The following SNAP29 variants were observed in gnomAD, a reference collection of about 807,000 sequenced individuals.
SNAP29 encodes synaptosomal-associated protein 29.
SNAP29 carries 13 observed loss-of-function variants against 27.9 expected under a neutral mutation model. That is an observed-to-expected ratio of 0.47 (90% CI 0.30 to 0.74). The LOEUF (loss-of-function observed/expected upper bound fraction) is 0.74. SNAP29 is among the 30% of genes least tolerant of loss of function. The pLI is 0.06. For missense variants in SNAP29, 368 were observed against 336.5 expected (o/e 1.09, Z -0.73); for synonymous variants, 119 against 127.1 (o/e 0.94, Z 0.43).
In SNAP29 at chr22:20,859,074, TC is replaced by T. The variant is rs772531791; in HGVS notation, c.-35del. ...TGGACGGCGGCGGCAGTGGGGCTCC[TC>T]CTTCTGTTTCCCAGACCGAGAGCCG... is the stretch of plus-strand genomic sequence containing the variant. On this transcript the variant is annotated 5_prime_UTR_variant, in exon 1 of 5. Transcript: ENST00000215730. 1.0e-5 allele frequency: 16 copies of T among 1,529,466 alleles called. No homozygotes were observed. Among genetic ancestry groups the T allele is most frequent in the Non-Finnish European group, 1.3e-5 (15 of 1,112,698 alleles). The allele number at this position is 1,529,466 out of a possible 1,614,324, so 94.7% of individuals were successfully genotyped here.
chr22:20,886,692 ACCT>A, intron 4 of SNAP29, among the ~76,000 whole-genome samples: 1 of 140,846 alleles, frequency 7.1e-6, no homozygotes, highest in African/African-American at 2.7e-5. Context: ...GCTTACTGCA[ACCT>A]CCTCCTCTCA....
chr22:20,885,190 A>G (rs971973368), intron 4 of SNAP29, among the ~76,000 whole-genome samples: 1 of 151,994 alleles, frequency 6.6e-6, no homozygotes, highest in Non-Finnish European at 1.5e-5. Flanking sequence ...GCCTCCTCCT[A>G]CCGCTACTCC....
At chr22:20,883,441 C>T (rs764895720) in intron 3 of SNAP29, 30 bp from the exon 4 acceptor site, 20 of 1,369,898 alleles carry the variant, frequency 1.5e-5, no homozygotes, top group African/African-American at 5.7e-5. Context: ...GTCAATTAAC[C>T]GCTCTCCTGG....
chr22:20,861,398 A>G (rs1325440150), intron 1 of SNAP29, among the ~76,000 whole-genome samples: 1 of 150,092 alleles, frequency 6.7e-6, no homozygotes, highest in East Asian at 2.0e-4. Flanking sequence ...GGCGTGAGCC[A>G]CTGCACCTAG....
At chr22:20,863,076 A>G (rs1928366704) in intron 1 of SNAP29, among the ~76,000 whole-genome samples, 3 of 152,138 alleles carry the variant, frequency 2.0e-5, no homozygotes, top group African/African-American at 7.2e-5. Context: ...TTTGGTGGAG[A>G]TGGGCTTTCG....
At chr22:20,878,148 G>T (rs11704057) in intron 2 of SNAP29, among the ~76,000 whole-genome samples, 214 of 152,338 alleles carry the variant, frequency 1.4e-3, no homozygotes, top group Non-Finnish European at 2.4e-3. Flanking sequence ...GTGCTTGCCA[G>T]TATTGCTTTA....
At chr22:20,874,089 C>CA (rs1928663620) in intron 2 of SNAP29, among the ~76,000 whole-genome samples, 1 of 148,180 alleles carries the variant, frequency 6.7e-6, no homozygotes, top group African/African-American at 2.5e-5. Context: ...TCCTGGCTAA[C>CA]ACGGTGAAAC....
At chr22:20,862,690 G>A (rs922962210) in intron 1 of SNAP29, among the ~76,000 whole-genome samples, 2 of 152,192 alleles carry the variant, frequency 1.3e-5, no homozygotes, top group African/African-American at 4.8e-5. Flanking sequence ...ATCAGGCTTG[G>A]CCAGGCCAGG....
chr22:20,873,378 G>A (rs1928643420), intron 2 of SNAP29, among the ~76,000 whole-genome samples: 1 of 151,858 alleles, frequency 6.6e-6, no homozygotes, highest in Non-Finnish European at 1.5e-5. Context: ...TGGAGAGCCA[G>A]TGACTGTGAA....
intron 2 of SNAP29, among the ~76,000 whole-genome samples, chr22:20,871,948 A>C (rs1352294483): frequency 6.6e-6 from 1 of 152,114 alleles, no homozygotes; most frequent in Non-Finnish European, 1.5e-5. Context: ...AAAGGAATGG[A>C]GTTTCTGCTG....
chr22:20,876,129 C>T (rs1219168422), intron 2 of SNAP29, among the ~76,000 whole-genome samples: 1 of 151,218 alleles, frequency 6.6e-6, no homozygotes. Context: ...CCACTGCAGT[C>T]CAGCCTGGGC....
At chr22:20,859,666 T>C in intron 1 of SNAP29, 1 of 419,006 alleles carries the variant, frequency 2.4e-6, no homozygotes, top group East Asian at 4.8e-5. Context: ...GAACAGCAGG[T>C]CCTAGGTTTG....
intron 2 of SNAP29, among the ~76,000 whole-genome samples, chr22:20,876,050 G>A (rs1010747406): frequency 6.6e-6 from 1 of 151,602 alleles, no homozygotes; most frequent in Admixed American, 6.6e-5. Flanking sequence ...AGTCCCAGCT[G>A]CTTGGGAGGC....
intron 1 of SNAP29, among the ~76,000 whole-genome samples, chr22:20,868,502 G>A (rs933348575): frequency 2.6e-5 from 4 of 152,152 alleles, no homozygotes; most frequent in African/African-American, 7.2e-5. Context: ...GATTCCTTAA[G>A]GACTTTAAGG....
intron 2 of SNAP29, among the ~76,000 whole-genome samples, chr22:20,871,203 T>G (rs1453579878): frequency 6.6e-6 from 1 of 151,752 alleles, no homozygotes; most frequent in Non-Finnish European, 1.5e-5. Flanking sequence ...ATTTGAAAAT[T>G]ATAAGGCTGG....
intron 1 of SNAP29, among the ~76,000 whole-genome samples, chr22:20,866,415 GCTCACTGA>G (rs1313400752): frequency 6.6e-6 from 1 of 152,218 alleles, no homozygotes; most frequent in East Asian, 1.9e-4. Context: ...TCTAGATTCA[GCTCACTGA>G]CTCCAGATTG....
Position 20,870,659 on chromosome 22 carries a change from G to T in SNAP29, c.434+126G>T, listed in dbSNP as rs1928570646. ...ACAACCCTTTAAGTTACTCATCAGG[G>T]GATATTTGTCCTCAAACATTGTGAA... On this transcript the variant is annotated intron_variant, in intron 2 of 4. Coordinates refer to ENST00000215730, the MANE Select transcript of SNAP29 (RefSeq NM_004782.4). 1.6e-5 allele frequency: 14 copies of T among 863,588 alleles called. No homozygotes were observed. The South Asian group carries it at 2.0e-4, about 12-fold the overall frequency. 53.5% of individuals were successfully genotyped at this position (863,588 alleles called of 1,614,324 possible).
In SNAP29 at chr22:20,889,945, TG is replaced by T; in HGVS notation, c.*2111del. On this transcript the variant is annotated 3_prime_UTR_variant, in exon 5 of 5. Coordinates refer to ENST00000215730, the MANE Select transcript of SNAP29 (RefSeq NM_004782.4). ...CAGTCACCCGCCCTTCTCTGTTTTT[TG>T]GTTTTTTTTTTCTTAACCCCAGGTA... 8.2e-6 allele frequency: 2 copies of T among 243,680 alleles called. No homozygotes were observed. The highest frequency in any genetic ancestry group is 1.6e-5 in the Non-Finnish European group (2 of 128,468). The allele number at this position is 243,680 out of a possible 1,614,324, so 15.1% of individuals were successfully genotyped here. A position where few individuals can be genotyped will look rare whatever the true frequency, so the allele number is the denominator to read the frequency against.
At chr22:20,873,748 G>A (rs1295125535) in intron 2 of SNAP29, among the ~76,000 whole-genome samples, 2 of 143,536 alleles carry the variant, frequency 1.4e-5, no homozygotes, top group African/African-American at 2.6e-5. Context: ...CGGGTGCATC[G>A]TTTGAGGTCA....
Sources: allele counts gnomAD v4.1 joint callset (sites outside exome capture counted in the v4.1 genomes callset), GRCh38; gene constraint gnomAD v4.1.1; transcripts MANE v1.5; gene names NCBI Gene and HGNC (gene_info 2026-07-23, HGNC 2026-07-21).